Variants in CLIC4 observed in about 807,000 individuals in gnomAD.
CLIC4 encodes CLIC family member 4, also known as chloride intracellular channel protein 4.
A neutral mutation model predicts 24.6 loss-of-function variants in CLIC4; 13 were observed. The observed-to-expected ratio is 0.53, with a 90% CI of 0.34 to 0.84. CLIC4 has a LOEUF of 0.84. CLIC4 is among the 40% of genes least tolerant of loss of function. CLIC4 has a pLI of 0.01. For missense variants in CLIC4, 227 were observed against 301.7 expected (o/e 0.75, Z 1.83); for synonymous variants, 104 against 111.3 (o/e 0.93, Z 0.41).
At chr1:24,835,563 TATAAATAAATAA>T (rs1036249219) in intron 4 of CLIC4, among the ~76,000 whole-genome samples, 3 of 152,070 alleles carry the variant, frequency 2.0e-5, no homozygotes, top group Non-Finnish European at 4.4e-5. Flanking sequence ...AGAATCTGTC[TATAAATAAATAA>T]ATAAATAAAT....
intron 1 of CLIC4, among the ~76,000 whole-genome samples, chr1:24,783,794 A>G (rs1159081054): frequency 2.6e-5 from 4 of 152,364 alleles, no homozygotes; most frequent in East Asian, 1.9e-4. Context: ...TGGATCACCA[A>G]AATTGTCCTT....
At chr1:24,803,625 A>G (rs1639515568) in intron 2 of CLIC4, among the ~76,000 whole-genome samples, 2 of 152,218 alleles carry the variant, frequency 1.3e-5, no homozygotes, top group Admixed American at 1.3e-4. Flanking sequence ...TTTAGATAGA[A>G]AAAAAAGGGC....
chr1:24,764,436 G>A (rs1479823296), intron 1 of CLIC4, among the ~76,000 whole-genome samples: 3 of 151,464 alleles, frequency 2.0e-5, no homozygotes, highest in Non-Finnish European at 4.4e-5. Flanking sequence ...TTTGGGAGGC[G>A]AGGCAGGTGG....
At chr1:24,824,915 C>T (rs950414963) in intron 3 of CLIC4, among the ~76,000 whole-genome samples, 1 of 151,368 alleles carries the variant, frequency 6.6e-6, no homozygotes, top group Non-Finnish European at 1.5e-5. Context: ...GTGGGAGGAT[C>T]GCTTGAGCCC....
chr1:24,818,237 A>C (rs1557811715), intron 3 of CLIC4, among the ~76,000 whole-genome samples: 1 of 152,276 alleles, frequency 6.6e-6, no homozygotes, highest in East Asian at 1.9e-4. Context: ...AATAAAGCAA[A>C]GCACAATAAG....
At chr1:24,828,586 G>A (rs1255240406) in intron 4 of CLIC4, among the ~76,000 whole-genome samples, 1 of 150,802 alleles carries the variant, frequency 6.6e-6, no homozygotes, top group African/African-American at 2.4e-5. Context: ...TTTTCCATGT[G>A]GTTTTTTGGG....
chr1:24,752,784 G>A (rs1381056186), intron 1 of CLIC4, among the ~76,000 whole-genome samples: 2 of 152,144 alleles, frequency 1.3e-5, no homozygotes, highest in African/African-American at 2.4e-5. Flanking sequence ...ATGCAGTGGT[G>A]CAATCTTGGC....
intron 4 of CLIC4, among the ~76,000 whole-genome samples, chr1:24,839,400 C>T (rs1041370534): frequency 2.0e-5 from 3 of 152,078 alleles, no homozygotes; most frequent in Non-Finnish European, 4.4e-5. Flanking sequence ...CCCGGGTTCA[C>T]GCCATTCTCC....
intron 4 of CLIC4, among the ~76,000 whole-genome samples, chr1:24,829,876 A>G (rs1639823229): frequency 6.6e-6 from 1 of 152,208 alleles, no homozygotes. Context: ...TGCATTGTAT[A>G]TTGAATTATC....
chr1:24,787,034 C>CT (rs1044694429), intron 1 of CLIC4, among the ~76,000 whole-genome samples: 15 of 152,152 alleles, frequency 9.9e-5, no homozygotes, highest in Non-Finnish European at 2.1e-4. Context: ...GATCCTCCTG[C>CT]TTCAGCATCC....
intron 1 of CLIC4, among the ~76,000 whole-genome samples, chr1:24,783,346 T>TCA (rs1639228108): frequency 6.6e-6 from 1 of 152,116 alleles, no homozygotes; most frequent in African/African-American, 2.4e-5. Context: ...GTCCCTAACA[T>TCA]CACAACAGAA....
chr1:24,823,777 A>AAG, intron 3 of CLIC4, among the ~76,000 whole-genome samples: 1 of 150,832 alleles, frequency 6.6e-6, no homozygotes, highest in East Asian at 1.9e-4. Flanking sequence ...TCTGTCTCAA[A>AAG]AAAAAAAAAA....
intron 2 of CLIC4, among the ~76,000 whole-genome samples, chr1:24,805,086 C>CAAA (rs757976140): frequency 0.024 from 1,100 of 46,576 alleles, 57 homozygotes; most frequent in Middle Eastern, 0.12. Context: ...GACTCCATGT[C>CAAA]AAAAAAAAAA....
rs568411313 is a variant in CLIC4, at chr1:24,807,566, C to T, written c.183-6528C>T. Among the ~76,000 whole-genome samples, 4 of 152,082 alleles carry T rather than the reference C, an allele frequency of 2.6e-5. No homozygotes were observed. In the South Asian group the frequency reaches 6.2e-4, roughly 24 times the overall value. ...TGATTGGCTAATTTAAAGAGAGTCA[C>T]CGGGTGAGTGGTTTGGCCAGAAAAA... is the stretch of plus-strand genomic sequence containing the variant. On this transcript the variant is annotated intron_variant, in intron 2 of 5. Coordinates refer to ENST00000374379, the MANE Select transcript of CLIC4 (RefSeq NM_013943.3).
chr1:24,747,838 C>T (rs1638721627), intron 1 of CLIC4, among the ~76,000 whole-genome samples: 1 of 151,906 alleles, frequency 6.6e-6, no homozygotes, highest in South Asian at 2.1e-4. Context: ...AGTTCGAGAC[C>T]AGCCTGGCCA....
chr1:24,838,718 T>C (rs1639909895), intron 4 of CLIC4, among the ~76,000 whole-genome samples: 1 of 152,186 alleles, frequency 6.6e-6, no homozygotes, highest in Non-Finnish European at 1.5e-5. Context: ...GAAAGGATAA[T>C]AGAAGATCTG....
At chr1:24,800,062 T>A (rs866370688) in intron 2 of CLIC4, among the ~76,000 whole-genome samples, 5 of 682 alleles carry the variant, frequency 7.3e-3, no homozygotes, top group African/African-American at 0.011. Context: ...GTCAGCCCCC[T>A]GCCCGGCCAG....
At chr1:24,782,770 A>T (rs1344384162) in intron 1 of CLIC4, among the ~76,000 whole-genome samples, 1 of 152,170 alleles carries the variant, frequency 6.6e-6, no homozygotes, top group Non-Finnish European at 1.5e-5. Flanking sequence ...GCTTGAGGCC[A>T]GGAGTTCAAG....
rs150407759 is a variant in CLIC4, at chr1:24,835,408, C to T, written c.416-4452C>T. On this transcript the variant is annotated intron_variant, in intron 4 of 5. Transcript: ENST00000374379. ...CATAACCCCATCTCTACTAAAAATA[C>T]AAAAATCAGCCAGGCGTGGTTGCTC... 0.015 allele frequency among the ~76,000 whole-genome samples: 2,248 copies of T among 152,074 alleles called. 166 individuals are homozygous for T. In the East Asian group the frequency reaches 0.23, roughly 16 times the overall value.
Sources: gnomAD v4.1 joint callset for allele counts (sites outside exome capture counted in the v4.1 genomes callset) on GRCh38, gnomAD v4.1.1 for gene constraint, MANE v1.5 for transcripts, NCBI Gene and HGNC (gene_info 2026-07-23, HGNC 2026-07-21) for gene names.